CSMD1: variants seen among roughly 807,000 people sequenced by gnomAD.
CSMD1 encodes CUB and sushi domain-containing protein 1.
A neutral mutation model predicts 417.5 loss-of-function variants in CSMD1; 213 were observed. The ratio of observed to expected loss-of-function variants is 0.51; its 90% confidence interval spans 0.46 to 0.57. The LOEUF (loss-of-function observed/expected upper bound fraction) is 0.57, where lower values mean the gene tolerates loss of function less well. Among genes scored for constraint, CSMD1 ranks in the 20% least tolerant of loss-of-function variants. The pLI is 0.00. For synonymous variants in CSMD1, 2,862 were observed against 1,736.8 expected, an observed-to-expected ratio of 1.65 and a Z score of -16.11; for missense variants, 6,923 against 4,529.7, an observed-to-expected ratio of 1.53 and a Z score of -15.17.
intron 3 of CSMD1, among the ~76,000 whole-genome samples, chr8:4,295,054 AT>A: frequency 1.0e-5 from 1 of 97,724 alleles, no homozygotes. Context: ...TATTATACAC[AT>A]ATAATCTTAA....
chr8:4,086,895 C>T (rs1197387845), intron 3 of CSMD1, among the ~76,000 whole-genome samples: 1 of 152,178 alleles, frequency 6.6e-6, no homozygotes, highest in Non-Finnish European at 1.5e-5. Flanking sequence ...TAAATGTTGG[C>T]AACAATCAGG....
At chr8:3,263,274 T>G (rs902503594) in intron 26 of CSMD1, among the ~76,000 whole-genome samples, 2 of 152,154 alleles carry the variant, frequency 1.3e-5, no homozygotes, top group Non-Finnish European at 2.9e-5. Context: ...AATTTTTGTG[T>G]TTTTAGATAA....
chr8:3,741,562 AT>A (rs1298446541), intron 6 of CSMD1, among the ~76,000 whole-genome samples: 2 of 152,198 alleles, frequency 1.3e-5, no homozygotes, highest in Admixed American at 1.3e-4. Context: ...TATGATATGC[AT>A]TTTTTGACTT....
At chr8:3,354,919 C>CTATAGATATCTA (rs1808671213) in intron 21 of CSMD1, among the ~76,000 whole-genome samples, 1 of 141,570 alleles carries the variant, frequency 7.1e-6, no homozygotes, top group Non-Finnish European at 1.5e-5. Context: ...ATAGATATGT[C>CTATAGATATCTA]TATCTATAGA....
At chr8:3,976,395 C>T (rs1297453840) in intron 5 of CSMD1, among the ~76,000 whole-genome samples, 1 of 152,166 alleles carries the variant, frequency 6.6e-6, no homozygotes, top group Non-Finnish European at 1.5e-5. Flanking sequence ...CTTCAAGTTG[C>T]TGCTTCTTCT....
chr8:3,838,157 T>G (rs186985529), intron 5 of CSMD1, among the ~76,000 whole-genome samples: 1 of 152,232 alleles, frequency 6.6e-6, no homozygotes, highest in East Asian at 1.9e-4. Context: ...TACTAAGTAT[T>G]GCAGAATACA....
chr8:4,420,204 C>T, intron 2 of CSMD1, 139 bp from the exon 3 acceptor site: 1 of 526,188 alleles, frequency 1.9e-6, no homozygotes, highest in Non-Finnish European at 3.5e-6. Context: ...ATAATCCATA[C>T]ACATAGCTTT....
intron 18 of CSMD1, among the ~76,000 whole-genome samples, chr8:3,381,016 C>G (rs1290749631): frequency 6.6e-6 from 1 of 151,958 alleles, no homozygotes; most frequent in Non-Finnish European, 1.5e-5. Context: ...TGAGAAAAAC[C>G]TCACTTACAA....
intron 18 of CSMD1, among the ~76,000 whole-genome samples, chr8:3,384,949 T>C (rs1226618433): frequency 2.6e-4 from 22 of 83,068 alleles, no homozygotes; most frequent in African/African-American, 1.0e-3. Flanking sequence ...AATATATGCA[T>C]ATATAATATA....
intron 2 of CSMD1, among the ~76,000 whole-genome samples, chr8:4,507,691 C>G (rs1380813804): frequency 6.6e-6 from 1 of 152,094 alleles, no homozygotes; most frequent in Non-Finnish European, 1.5e-5. Flanking sequence ...TACATAAATA[C>G]TCACCAGGCT....
intron 54 of CSMD1, among the ~76,000 whole-genome samples, chr8:2,993,330 G>T (rs1419363222): frequency 6.6e-6 from 1 of 152,134 alleles, no homozygotes; most frequent in African/African-American, 2.4e-5. Flanking sequence ...CCTTGTTGAA[G>T]GTAAGGTTAT....
intron 3 of CSMD1, among the ~76,000 whole-genome samples, chr8:4,345,984 A>G (rs1800758346): frequency 6.6e-6 from 1 of 152,138 alleles, no homozygotes; most frequent in African/African-American, 2.4e-5. Context: ...ATCATTTGGA[A>G]TTTCAGTAGT....
intron 1 of CSMD1, among the ~76,000 whole-genome samples, chr8:4,968,436 T>C (rs1186241144): frequency 1.3e-5 from 2 of 152,096 alleles, no homozygotes; most frequent in South Asian, 2.1e-4. Flanking sequence ...GTAACCACTA[T>C]TGAAATAGAG....
At chr8:4,498,119 T>C (rs1231816004) in intron 2 of CSMD1, among the ~76,000 whole-genome samples, 11 of 152,150 alleles carry the variant, frequency 7.2e-5, no homozygotes, top group Non-Finnish European at 1.6e-4. Flanking sequence ...ATCCACTTTG[T>C]CCTTTGTGGG....
intron 26 of CSMD1, among the ~76,000 whole-genome samples, chr8:3,241,481 C>T (rs879928321): frequency 2.6e-5 from 4 of 152,180 alleles, no homozygotes; most frequent in Admixed American, 6.5e-5. Flanking sequence ...TGTCAGTCTT[C>T]AGCCACTAAG....
At position 3,493,659 on chromosome 8, in the gene CSMD1, G is replaced by T; in HGVS notation, c.1412C>A (p.Ala471Asp). The part of the protein sequence containing the change: ...RGYDTLTVGD[A>D]GKVGDTRSVL... ...CGATCTGGTGTCTCCCACCTTCCCA[G>T]CATCACCAACCGTCAGGGTGTCATA... Residue 471 changes from alanine to aspartate, a missense_variant, in exon 11 of 70, where the codon GCT becomes GAT. Coordinates refer to ENST00000635120, the MANE Select transcript of CSMD1 (RefSeq NM_033225.6). The T allele has an allele frequency of 6.2e-7, 1 of 1,612,076 alleles. No homozygotes were observed. The highest frequency in any genetic ancestry group is 1.1e-5 in the South Asian group (1 of 90,328).
intron 7 of CSMD1, among the ~76,000 whole-genome samples, chr8:3,652,280 C>T (rs1447890164): frequency 6.6e-6 from 1 of 151,980 alleles, no homozygotes; most frequent in Non-Finnish European, 1.5e-5. Flanking sequence ...GCGCTTACCA[C>T]CATCAGCTTA....
chr8:3,118,504 C>G lies in CSMD1; in HGVS notation c.6325G>C (p.Val2109Leu), dbSNP rs1157482829. ...INSDYSVGQS[V>L]SFECYPGYIL... ...TACCCAGGATAACACTCGAAAGATA[C>G]TGATTGCCCCACGCTGTAATCCGAG... Residue 2109 changes from valine to leucine, a missense_variant, in exon 42 of 70, where the codon GTA (valine) becomes CTA (leucine). Physicochemically the swap from Val to Leu is conservative, Grantham distance 32. Coordinates refer to ENST00000635120, the MANE Select transcript of CSMD1 (RefSeq NM_033225.6). The G allele has an allele frequency of 2.5e-6, 4 of 1,613,884 alleles. No homozygotes were observed. Among genetic ancestry groups the G allele is most frequent in the East Asian group, 2.2e-5 (1 of 44,866 alleles).
At chr8:4,623,982 G>A (rs1296148373) in intron 2 of CSMD1, among the ~76,000 whole-genome samples, 2 of 151,942 alleles carry the variant, frequency 1.3e-5, no homozygotes, top group African/African-American at 2.4e-5. Flanking sequence ...GCACTTTATT[G>A]GTTACTAAAT....
Sources: allele counts gnomAD v4.1 joint callset (sites outside exome capture counted in the v4.1 genomes callset), GRCh38; gene constraint gnomAD v4.1.1; transcripts MANE v1.5; gene names NCBI Gene and HGNC (gene_info 2026-07-23, HGNC 2026-07-21).